SYNPO2: variants seen among roughly 807,000 people sequenced by gnomAD.
SYNPO2 encodes synaptopodin-2.
In SYNPO2, 56 loss-of-function variants were observed where a neutral mutation model predicts 85.0. The observed-to-expected ratio is 0.66, with a 90% CI of 0.53 to 0.82. The LOEUF is 0.82. Among genes scored for constraint, SYNPO2 ranks in the 40% least tolerant of loss-of-function variants. The probability of loss-of-function intolerance (pLI) is 0.00; values close to 1 mark genes in which losing one functional copy is unlikely to be tolerated. For missense variants in SYNPO2, 1,575 were observed against 1,534.2 expected (o/e 1.03, Z -0.44); for synonymous variants, 602 against 591.1 (o/e 1.02, Z -0.27).
chr4:118,944,780 A>G (rs879083199), intron 1 of SYNPO2, among the ~76,000 whole-genome samples: 27 of 152,348 alleles, frequency 1.8e-4, no homozygotes, highest in Admixed American at 4.6e-4. Flanking sequence ...ATGGCTTTGT[A>G]TGATGTATCT....
At chr4:118,859,775 A>G (rs553153269) in intron 1 of SYNPO2, among the ~76,000 whole-genome samples, 2 of 152,298 alleles carry the variant, frequency 1.3e-5, no homozygotes, top group Admixed American at 6.5e-5. Context: ...ATAGTACTCC[A>G]TTGTGTATAC....
chr4:118,986,337 G>A (rs1053264301), intron 1 of SYNPO2, among the ~76,000 whole-genome samples: 1 of 152,154 alleles, frequency 6.6e-6, no homozygotes, highest in African/African-American at 2.4e-5. Context: ...GTTAAGACTT[G>A]CTTTTTTCTG....
At chr4:118,886,922 T>A (rs977344386), upstream of SYNPO2, among the ~76,000 whole-genome samples, 2 of 152,288 alleles carry the variant, frequency 1.3e-5, no homozygotes, top group Middle Eastern at 6.8e-3. Context: ...CTGGGGAGCA[T>A]GGGCTGTGTA....
chr4:118,980,802 C>T (rs1021114500), intron 1 of SYNPO2, among the ~76,000 whole-genome samples: 1 of 151,902 alleles, frequency 6.6e-6, no homozygotes, highest in Non-Finnish European at 1.5e-5. Context: ...AGGACGCTGC[C>T]TCTTAGGCCT....
chr4:118,894,376 G>A (rs1732475983), intron 1 of SYNPO2, among the ~76,000 whole-genome samples: 1 of 152,156 alleles, frequency 6.6e-6, no homozygotes, highest in Non-Finnish European at 1.5e-5. Flanking sequence ...GGGTCAGCGG[G>A]AGTGGGGAAG....
intron 1 of SYNPO2, among the ~76,000 whole-genome samples, chr4:118,924,536 C>T (rs28649022): frequency 0.015 from 2,256 of 152,270 alleles, 53 homozygotes; most frequent in African/African-American, 0.051. Context: ...GTCAGTGTGG[C>T]TGGATGGTCA....
intron 1 of SYNPO2, among the ~76,000 whole-genome samples, chr4:119,012,411 G>A (rs1737353142): frequency 9.0e-6 from 1 of 111,550 alleles, no homozygotes; most frequent in Non-Finnish European, 1.8e-5. Context: ...TTTAAGTTCT[G>A]GGATACATGT....
chr4:118,878,518 A>G (rs149248517), intron 1 of SYNPO2, among the ~76,000 whole-genome samples: 1 of 152,290 alleles, frequency 6.6e-6, no homozygotes, highest in South Asian at 2.1e-4. Flanking sequence ...GAAATTTTCC[A>G]TCTACCTAAA....
chr4:119,021,082 G>T (rs1340383069), intron 1 of SYNPO2, among the ~76,000 whole-genome samples: 1 of 152,112 alleles, frequency 6.6e-6, no homozygotes, highest in Non-Finnish European at 1.5e-5. Context: ...TTCCCCAAGA[G>T]GTAATGATAT....
intron 1 of SYNPO2, among the ~76,000 whole-genome samples, chr4:118,926,923 T>C (rs1465021346): frequency 6.6e-6 from 1 of 152,180 alleles, no homozygotes; most frequent in African/African-American, 2.4e-5. Context: ...TTCTACTCTA[T>C]GCGGGATGCC....
intron 4 of SYNPO2, among the ~76,000 whole-genome samples, chr4:119,046,945 G>A (rs778548908): frequency 1.3e-5 from 2 of 152,190 alleles, no homozygotes; most frequent in Non-Finnish European, 2.9e-5. Flanking sequence ...TAATCTAAAA[G>A]TTAATCTAAG....
Position 119,003,237 on chromosome 4 carries a change from G to T in SYNPO2, c.106-20193G>T, listed in dbSNP as rs576095346. ...ATGATGGAAGGCAAAGGGGAAGCAA[G>T]CACTTACTTCACAGGGTGGCAGGAG... On this transcript the variant is annotated intron_variant, in intron 1 of 4. Coordinates refer to ENST00000307142, the MANE Select transcript of SYNPO2 (RefSeq NM_133477.3). Among the ~76,000 whole-genome samples, 12 of 152,296 alleles carry T rather than the reference G, an allele frequency of 7.9e-5. No individual in the cohort carries two copies. The East Asian group carries it at 1.7e-3, about 22-fold the overall frequency.
chr4:119,037,143 A>T, intron 4 of SYNPO2: 1 of 1,545,956 alleles, frequency 6.5e-7, no homozygotes, highest in Non-Finnish European at 8.7e-7. Flanking sequence ...CATAGTCAAG[A>T]TATCATAAGG....
chr4:118,993,519 C>T (rs1174668394), intron 1 of SYNPO2, among the ~76,000 whole-genome samples: 2 of 152,168 alleles, frequency 1.3e-5, no homozygotes, highest in African/African-American at 4.8e-5. Context: ...CAACATATCA[C>T]CACTCAAGTG....
upstream of SYNPO2, among the ~76,000 whole-genome samples, chr4:118,886,368 C>T (rs1012101514): frequency 3.1e-4 from 47 of 152,282 alleles, no homozygotes; most frequent in African/African-American, 1.1e-3. Flanking sequence ...TTAAGCCCCG[C>T]ATGCGTTATG....
chr4:118,919,205 T>C (rs1199013732), intron 1 of SYNPO2, among the ~76,000 whole-genome samples: 1 of 152,180 alleles, frequency 6.6e-6, no homozygotes, highest in Non-Finnish European at 1.5e-5. Context: ...TAGGCATTAA[T>C]ATGACAGGAA....
chr4:118,889,271 T>C, intron 1 of SYNPO2, 130 bp downstream of exon 1: 1 of 867,032 alleles, frequency 1.2e-6, no homozygotes, highest in Non-Finnish European at 1.7e-6. Flanking sequence ...TATTAAGATT[T>C]TTCTAGGAAG....
At chr4:118,905,211 T>C (rs1367824366) in intron 1 of SYNPO2, among the ~76,000 whole-genome samples, 2 of 152,202 alleles carry the variant, frequency 1.3e-5, no homozygotes, top group African/African-American at 4.8e-5. Context: ...TTTATTCCAT[T>C]ATGTTCTTCA....
At chr4:118,971,303 C>G (rs1735533222) in intron 1 of SYNPO2, among the ~76,000 whole-genome samples, 1 of 152,142 alleles carries the variant, frequency 6.6e-6, no homozygotes, top group Admixed American at 6.5e-5. Flanking sequence ...AACAAGGAGC[C>G]AGAATCCATG....
Sources: gnomAD v4.1 joint callset for allele counts (sites outside exome capture counted in the v4.1 genomes callset) on GRCh38, gnomAD v4.1.1 for gene constraint, MANE v1.5 for transcripts, NCBI Gene and HGNC (gene_info 2026-07-23, HGNC 2026-07-21) for gene names.